The following DAB1 variants were observed in gnomAD, a reference collection of about 807,000 sequenced individuals.
The protein encoded by DAB1 is disabled homolog 1.
Under a neutral mutation model 64.6 loss-of-function variants are expected in DAB1, and 15 were observed. That is an observed-to-expected ratio of 0.23 (90% CI 0.16 to 0.36). The LOEUF (loss-of-function observed/expected upper bound fraction) is 0.36, where lower values mean the gene tolerates loss of function less well. DAB1 is among the 10% of genes least tolerant of loss of function. The pLI is 1.00. For synonymous variants in DAB1, 235 were observed against 251.9 expected (o/e 0.93, Z 0.64); for missense variants, 596 against 706.7 (o/e 0.84, Z 1.78).
At chr1:58,535,800 G>GT (rs1240283102) in intron 1 of DAB1, among the ~76,000 whole-genome samples, 2 of 152,050 alleles carry the variant, frequency 1.3e-5, no homozygotes, top group Non-Finnish European at 2.9e-5. Context: ...TTCCAAAGAG[G>GT]TAAGACTTCT....
intron 7 of DAB1, among the ~76,000 whole-genome samples, chr1:57,604,401 T>G: frequency 7.7e-6 from 1 of 129,280 alleles, no homozygotes; most frequent in African/African-American, 2.9e-5. Flanking sequence ...CTTGTTTTAT[T>G]ATAAAAGAAA....
intron 5 of DAB1, among the ~76,000 whole-genome samples, chr1:58,013,204 C>A (rs1646693581): frequency 1.3e-5 from 2 of 152,096 alleles, no homozygotes; most frequent in African/African-American, 4.8e-5. Flanking sequence ...CTAAATTAAC[C>A]TGACTAATAG....
chr1:58,107,792 T>A (rs1167450821), intron 5 of DAB1, among the ~76,000 whole-genome samples: 1 of 151,864 alleles, frequency 6.6e-6, no homozygotes, highest in East Asian at 2.0e-4. Context: ...GATTTTTATA[T>A]TTTTAGTACA....
intron 2 of DAB1, among the ~76,000 whole-genome samples, chr1:57,169,370 G>A (rs1661513081): frequency 6.6e-6 from 1 of 152,144 alleles, no homozygotes; most frequent in Non-Finnish European, 1.5e-5. Context: ...TTCTCTCAGT[G>A]ATCCCATAAT....
At chr1:58,359,245 A>T (rs1178260443) in intron 3 of DAB1, among the ~76,000 whole-genome samples, 1 of 152,182 alleles carries the variant, frequency 6.6e-6, no homozygotes, top group Non-Finnish European at 1.5e-5. Context: ...CCTCTTCTTC[A>T]TATATGAAGA....
chr1:57,231,660 CTG>C (rs1169273357), intron 2 of DAB1, among the ~76,000 whole-genome samples: 1 of 152,180 alleles, frequency 6.6e-6, no homozygotes, highest in Non-Finnish European at 1.5e-5. Flanking sequence ...GATGGAGAAA[CTG>C]TTACTTAGAG....
At chr1:58,498,351 G>C (rs1443490316) in intron 3 of DAB1, among the ~76,000 whole-genome samples, 1 of 151,862 alleles carries the variant, frequency 6.6e-6, no homozygotes, top group Non-Finnish European at 1.5e-5. Context: ...AATGGCTCAT[G>C]AGAGGTTTAA....
At chr1:57,027,631 A>G (rs1359096953) in intron 9 of DAB1, among the ~76,000 whole-genome samples, 2 of 152,186 alleles carry the variant, frequency 1.3e-5, no homozygotes, top group East Asian at 3.9e-4. Flanking sequence ...TCATCTGGGC[A>G]ATGGAGATGA....
chr1:58,300,598 AAGAAAGAAAGAAAGAGAGAGAGAGAG>A (rs1347035579), intron 4 of DAB1, among the ~76,000 whole-genome samples: 384 of 37,500 alleles, frequency 0.01, 5 homozygotes, highest in Admixed American at 0.016. Context: ...GAAAGAAAGA[AAGAAAGAAAGAAAGAGAGAGAGAGAG>A]AGAGAGAGAG....
intron 4 of DAB1, among the ~76,000 whole-genome samples, chr1:58,277,933 G>T (rs1384407586): frequency 6.6e-6 from 1 of 152,178 alleles, no homozygotes; most frequent in African/African-American, 2.4e-5. Flanking sequence ...ATTGTAATCT[G>T]CTTCACACCA....
At chr1:58,093,590 C>T (rs566268450) in intron 5 of DAB1, among the ~76,000 whole-genome samples, 2 of 151,986 alleles carry the variant, frequency 1.3e-5, no homozygotes, top group East Asian at 3.9e-4. Flanking sequence ...ACCATCCCTG[C>T]CCACCCTGCC....
chr1:57,721,207 G>C (rs1206566502), intron 6 of DAB1, among the ~76,000 whole-genome samples: 1 of 152,126 alleles, frequency 6.6e-6, no homozygotes, highest in African/African-American at 2.4e-5. Flanking sequence ...GCTTATGAAG[G>C]CAAGAAAATT....
intron 4 of DAB1, among the ~76,000 whole-genome samples, chr1:58,297,244 G>A (rs186534044): frequency 6.1e-4 from 93 of 152,290 alleles, no homozygotes; most frequent in Admixed American, 5.7e-3. Context: ...AAGTGAGAAC[G>A]TGTATAATTA....
intron 2 of DAB1, among the ~76,000 whole-genome samples, chr1:57,253,646 T>C (rs532842868): frequency 7.9e-5 from 12 of 152,248 alleles, no homozygotes; most frequent in African/African-American, 2.9e-4. Flanking sequence ...AAATGAAAAA[T>C]AGAAAGTCCG....
At chr1:57,766,798 G>A (rs1393704587) in intron 6 of DAB1, among the ~76,000 whole-genome samples, 1 of 113,256 alleles carries the variant, frequency 8.8e-6, no homozygotes, top group African/African-American at 3.0e-5. Flanking sequence ...CAAATACTGG[G>A]TCCCTAGGCA....
At chr1:57,920,575 G>T (rs115208473) in intron 5 of DAB1, among the ~76,000 whole-genome samples, 364 of 152,196 alleles carry the variant, frequency 2.4e-3, no homozygotes, top group African/African-American at 8.5e-3. Flanking sequence ...GCAGTCCGAC[G>T]TGGAGTCAGG....
intron 3 of DAB1, among the ~76,000 whole-genome samples, chr1:58,398,554 T>C (rs1010870094): frequency 6.6e-5 from 10 of 152,202 alleles, no homozygotes; most frequent in Non-Finnish European, 1.5e-4. Flanking sequence ...TATAATAACC[T>C]ACACTTAGAG....
In DAB1 at chr1:58,248,285, CTGT is replaced by C. The variant is rs72121141; in HGVS notation, n.309+95064_309+95066del. On this transcript the variant is annotated intron_variant and non_coding_transcript_variant, in intron 4 of 20. Transcript: ENST00000485760. ...CACTGGGAGCGAGGTGGCACTGCTG[CTGT>C]CACATTGCATGTACTGCTCAGCTAC... Among the ~76,000 whole-genome samples, 978 of 152,212 alleles carry C rather than the reference CTGT, an allele frequency of 6.4e-3. 13 individuals carry two copies. Among genetic ancestry groups the C allele is most frequent in the African/African-American group, 0.023 (937 of 41,516 alleles).
At chr1:58,414,350 T>C (rs2100209744) in intron 3 of DAB1, among the ~76,000 whole-genome samples, 1 of 152,322 alleles carries the variant, frequency 6.6e-6, no homozygotes, top group East Asian at 1.9e-4. Context: ...AAACTGATGT[T>C]AGTTACCACT....
Sources: allele counts gnomAD v4.1 joint callset (sites outside exome capture counted in the v4.1 genomes callset), GRCh38; gene constraint gnomAD v4.1.1; transcripts MANE v1.5; gene names NCBI Gene and HGNC (gene_info 2026-07-23, HGNC 2026-07-21).